Variants in CAST observed in about 807,000 individuals in gnomAD.
The protein encoded by CAST is calpastatin.
Under a neutral mutation model 119.6 loss-of-function variants are expected in CAST, and 76 were observed. The ratio of observed to expected loss-of-function variants is 0.64; its 90% CI spans 0.53 to 0.77. CAST has a LOEUF of 0.77. CAST is among the 30% of genes least tolerant of loss of function. The pLI is 0.00. For missense variants in CAST, 953 were observed against 946.5 expected (o/e 1.01, Z -0.09); for synonymous variants, 319 against 331.6 (o/e 0.96, Z 0.41).
At chr5:95,980,479 T>A in the CAST span, 3 of 152,190 alleles carry the variant, frequency 2.0e-5, no homozygotes, top group Non-Finnish European at 4.4e-5. Context: ...TCTGTAGCAC[T>A]GGCTACATCA....
chr5:96,741,664 A>C, intron 15 of CAST, 84 bp downstream of exon 15: 1 of 856,880 alleles, frequency 1.2e-6, no homozygotes, highest in Admixed American at 2.2e-5. Flanking sequence ...CACATAACCC[A>C]TGATGAGAAG....
chr5:96,519,838 C>T, the CAST span, among the ~76,000 whole-genome samples: 1 of 152,210 alleles, frequency 6.6e-6, no homozygotes, highest in Non-Finnish European at 1.5e-5. Flanking sequence ...AACTCCCAAC[C>T]TCAGGTGACC....
chr5:96,008,515 T>G, the CAST span, among the ~76,000 whole-genome samples: 1 of 152,222 alleles, frequency 6.6e-6, no homozygotes, highest in Admixed American at 6.5e-5. Flanking sequence ...ATGCTCTGTT[T>G]TTTTTAGGGG....
chr5:96,613,091 A>G lies in CAST; in HGVS notation c.61-62448A>G, dbSNP rs374601321. Among the ~76,000 whole-genome samples, 117 of 152,316 alleles carry G rather than the reference A, an allele frequency of 7.7e-4. 1 individual carries two copies. In the South Asian group the frequency reaches 0.024, roughly 31 times the overall value. On this transcript the variant is annotated intron_variant, in intron 1 of 11. Coordinates refer to the CAST transcript ENST00000505143. ...CACTGTGCCAATAGCACACTGCCTG[A>G]ACTACTATAGTTTTATAATAAGTCT...
the CAST span, among the ~76,000 whole-genome samples, chr5:96,105,357 A>T: frequency 6.6e-6 from 1 of 152,184 alleles, no homozygotes; most frequent in Non-Finnish European, 1.5e-5. Context: ...ATTCAGTATG[A>T]TATTGGCTGT....
the CAST span, among the ~76,000 whole-genome samples, chr5:96,244,867 A>G: frequency 6.6e-6 from 1 of 152,176 alleles, no homozygotes. Context: ...GGTAATTAAG[A>G]TATTCATGAG....
At chr5:96,104,713 T>C in the CAST span, among the ~76,000 whole-genome samples, 2 of 147,688 alleles carry the variant, frequency 1.4e-5, no homozygotes, top group African/African-American at 2.5e-5. Context: ...GACTTGGCGA[T>C]GCGGGCTCTT....
At chr5:96,418,779 C>A in the CAST span, among the ~76,000 whole-genome samples, 56,688 of 151,964 alleles carry the variant, frequency 0.37, 10,824 homozygotes, top group East Asian at 0.46. Flanking sequence ...AGGATGCCAC[C>A]TTTTTGGTTG....
chr5:96,361,003 G>T, the CAST span, among the ~76,000 whole-genome samples: 17 of 152,236 alleles, frequency 1.1e-4, no homozygotes, highest in Non-Finnish European at 1.9e-4. Context: ...GACTGGGATT[G>T]CTGCCTTTTT....
At chr5:96,372,929 G>C in the CAST span, among the ~76,000 whole-genome samples, 1 of 152,148 alleles carries the variant, frequency 6.6e-6, no homozygotes, top group South Asian at 2.1e-4. Flanking sequence ...GAGCTTCACA[G>C]ATGATAGCAC....
the CAST span, chr5:96,278,641 A>T: frequency 1.3e-5 from 2 of 152,332 alleles, no homozygotes; most frequent in South Asian, 4.1e-4. Flanking sequence ...GAAGAGGAAG[A>T]TGTCCCCTGC....
chr5:96,139,183 G>C, the CAST span, among the ~76,000 whole-genome samples: 2 of 151,626 alleles, frequency 1.3e-5, no homozygotes, highest in Non-Finnish European at 1.5e-5. Context: ...TTGATTTCTT[G>C]CCATATCTAC....
the CAST span, among the ~76,000 whole-genome samples, chr5:96,290,786 G>A: frequency 3.9e-5 from 6 of 152,222 alleles, no homozygotes; most frequent in Non-Finnish European, 5.9e-5. Flanking sequence ...AGATTACGAA[G>A]TAGCAAGCTG....
the CAST span, among the ~76,000 whole-genome samples, chr5:96,183,225 A>T: frequency 6.7e-6 from 1 of 150,170 alleles, no homozygotes; most frequent in African/African-American, 2.4e-5. Context: ...CAATGTTAAG[A>T]AAAAGCAAGA....
the CAST span, chr5:96,425,698 C>A: frequency 1.8e-5 from 12 of 685,498 alleles, no homozygotes; most frequent in East Asian, 5.4e-5. Context: ...AATCTCCAGA[C>A]AATATAGCTC....
At chr5:96,079,426 C>T in the CAST span, among the ~76,000 whole-genome samples, 3 of 152,120 alleles carry the variant, frequency 2.0e-5, no homozygotes, top group African/African-American at 7.2e-5. Context: ...TGTTTGAAAC[C>T]ACTTTTAAGT....
At chr5:96,112,515 C>T in the CAST span, among the ~76,000 whole-genome samples, 2 of 152,076 alleles carry the variant, frequency 1.3e-5, no homozygotes, top group East Asian at 1.9e-4. Context: ...TATATATATC[C>T]TAACTGTGTA....
intron 1 of CAST, among the ~76,000 whole-genome samples, chr5:96,534,739 G>GAGAGAGAAAGAGAAAGAGAA (rs1745757908): frequency 1.8e-4 from 4 of 22,720 alleles, no homozygotes; most frequent in East Asian, 1.6e-3. Context: ...GAGAGAGAGA[G>GAGAGAGAAAGAGAAAGAGAA]AGAAAGAAAG....
the CAST span, among the ~76,000 whole-genome samples, chr5:96,473,515 C>T: frequency 1.3e-5 from 2 of 152,240 alleles, no homozygotes; most frequent in African/African-American, 4.8e-5. Flanking sequence ...TCTTTCTCCT[C>T]CAGTGTGGCT....
Sources: gnomAD v4.1 joint callset for allele counts (sites outside exome capture counted in the v4.1 genomes callset) on GRCh38, gnomAD v4.1.1 for gene constraint, MANE v1.5 for transcripts, NCBI Gene and HGNC (gene_info 2026-07-23, HGNC 2026-07-21) for gene names.